EFCAB6: variants seen among roughly 807,000 people sequenced by gnomAD.
EFCAB6 encodes the protein EF-hand calcium-binding domain-containing protein 6.
In EFCAB6, 156 loss-of-function variants were observed where a neutral mutation model predicts 169.8. The observed-to-expected ratio is 0.92, with a 90% confidence interval of 0.81 to 1.05. The LOEUF (loss-of-function observed/expected upper bound fraction) is 1.05. Ranked by LOEUF, EFCAB6 falls within the 50% of genes least tolerant of loss-of-function variation. The probability of loss-of-function intolerance (pLI) is 0.00; values close to 1 mark genes in which losing one functional copy is unlikely to be tolerated. For synonymous variants in EFCAB6, 698 were observed against 676.4 expected (o/e 1.03, Z -0.50); for missense variants, 1,800 against 1,829.1 (o/e 0.98, Z 0.29).
intron 30 of EFCAB6, 129 bp downstream of exon 30, chr22:43,534,559 A>T: frequency 1.2e-6 from 1 of 841,378 alleles, no homozygotes; most frequent in Non-Finnish European, 1.7e-6. Context: ...TGGGAGTTTG[A>T]GGCTGCAGTG....
chr22:43,696,152 C>T (rs1254586677), intron 10 of EFCAB6, among the ~76,000 whole-genome samples: 1 of 151,872 alleles, frequency 6.6e-6, no homozygotes, highest in East Asian at 1.9e-4. Context: ...TGATTTGTAC[C>T]ATTACTTAAC....
Position 43,558,539 on chromosome 22 carries a change from A to G in EFCAB6, c.3421-3443T>C, listed in dbSNP as rs190600207. ...TTTTTCCAAAGTATGTGCTCATATC[A>G]TGTCTCCATGTCACAGAGAAATCGT... On this transcript the variant is annotated intron_variant, in intron 26 of 31. Transcript: ENST00000262726. 5.2e-3 allele frequency among the ~76,000 whole-genome samples: 791 copies of G among 152,276 alleles called. 4 individuals carry two copies. Among genetic ancestry groups the G allele is most frequent in the Middle Eastern group, 0.041 (12 of 294 alleles).
chr22:43,615,338 T>C (rs2053616202), intron 21 of EFCAB6, among the ~76,000 whole-genome samples: 1 of 152,174 alleles, frequency 6.6e-6, no homozygotes, highest in Admixed American at 6.5e-5. Context: ...ATAATCACAG[T>C]TCACAGGATT....
At chr22:43,559,868 G>T (rs1463989519) in intron 26 of EFCAB6, among the ~76,000 whole-genome samples, 2 of 151,762 alleles carry the variant, frequency 1.3e-5, no homozygotes, top group South Asian at 2.1e-4. Flanking sequence ...ATTGTTGGGT[G>T]GGGGGCAAGG....
chr22:43,593,817 G>A (rs1375537813), intron 23 of EFCAB6, among the ~76,000 whole-genome samples: 2 of 152,184 alleles, frequency 1.3e-5, no homozygotes, highest in Non-Finnish European at 2.9e-5. Context: ...ACAGGTAAGA[G>A]CAAGATGGAG....
intron 24 of EFCAB6, among the ~76,000 whole-genome samples, chr22:43,585,816 C>T (rs988748806): frequency 6.6e-6 from 1 of 152,164 alleles, no homozygotes; most frequent in Non-Finnish European, 1.5e-5. Flanking sequence ...GAATTATAAA[C>T]ATCAGGCTTC....
At position 43,774,374 on chromosome 22, in the gene EFCAB6, C is replaced by T. The variant is rs1029406397; in HGVS notation, c.140-1271G>A. Among the ~76,000 whole-genome samples, 8 of 151,190 alleles carry T rather than the reference C, an allele frequency of 5.3e-5. No homozygotes were observed. The South Asian group carries it at 1.3e-3, about 24-fold the overall frequency. ...ACAACGTGCAGGCACCCCACAGTGA[C>T]GCTGCCATGGAGATTGGCTGCAGAC... On this transcript the variant is annotated intron_variant, in intron 3 of 31. Transcript: ENST00000262726.
chr22:43,717,694 C>A (rs2059381562), intron 8 of EFCAB6, among the ~76,000 whole-genome samples: 2 of 152,070 alleles, frequency 1.3e-5, no homozygotes, highest in Non-Finnish European at 2.9e-5. Context: ...AGAACCAGTT[C>A]TGGCTTGTGT....
At chr22:43,650,496 T>G (rs2056414369) in intron 17 of EFCAB6, among the ~76,000 whole-genome samples, 1 of 152,208 alleles carries the variant, frequency 6.6e-6, no homozygotes, top group Non-Finnish European at 1.5e-5. Context: ...TGTAAATTGC[T>G]CAGTCTTGGG....
intron 24 of EFCAB6, 143 bp from the exon 25 acceptor site, chr22:43,580,802 C>G (rs1039719520): frequency 9.9e-6 from 8 of 811,432 alleles, no homozygotes; most frequent in African/African-American, 1.7e-5. Flanking sequence ...TACGTGCAGA[C>G]ATGGCAGTTA....
At chr22:43,616,808 T>A (rs1188031990) in intron 20 of EFCAB6, among the ~76,000 whole-genome samples, 1 of 152,180 alleles carries the variant, frequency 6.6e-6, no homozygotes, top group East Asian at 1.9e-4. Flanking sequence ...ATGCCCTAGA[T>A]CTTTCCACGC....
chr22:43,620,333 G>T (rs551101141), intron 20 of EFCAB6, among the ~76,000 whole-genome samples: 87 of 151,164 alleles, frequency 5.8e-4, no homozygotes, highest in African/African-American at 2.1e-3. Context: ...AAAGAAAAAA[G>T]AAAAGAAAAG....
At chr22:43,684,400 A>G (rs2058112369) in intron 11 of EFCAB6, among the ~76,000 whole-genome samples, 1 of 151,978 alleles carries the variant, frequency 6.6e-6, no homozygotes, top group South Asian at 2.1e-4. Flanking sequence ...GTCAGTGTAC[A>G]TGTGTGCTCC....
intron 11 of EFCAB6, among the ~76,000 whole-genome samples, chr22:43,685,633 C>G (rs145676971): frequency 9.2e-5 from 14 of 152,184 alleles, no homozygotes; most frequent in African/African-American, 3.4e-4. Context: ...GGCAACTGTA[C>G]AGGCAGTGGT....
Position 43,678,225 on chromosome 22 carries a change from T to TTATGTA in EFCAB6, c.1252-68_1252-63dup, listed in dbSNP as rs929230400. 1.2e-4 allele frequency: 180 copies of TTATGTA among 1,496,802 alleles called. No homozygotes were observed. The Middle Eastern group carries it at 1.2e-3, about 10-fold the overall frequency. 92.7% of individuals were successfully genotyped at this position (1,496,802 alleles called of 1,614,324 possible). On this transcript the variant is annotated intron_variant, in intron 12 of 31. Transcript: ENST00000262726. ...AAAAAAAAAAAAGGAAGAAAAAGTG[T>TTATGTA]TATGTATGTTTAGCATCATTTAATA...
intron 20 of EFCAB6, among the ~76,000 whole-genome samples, chr22:43,616,593 G>T (rs1389312950): frequency 9.0e-6 from 1 of 110,694 alleles, no homozygotes; most frequent in African/African-American, 3.6e-5. Context: ...GAACCTGGGA[G>T]GCGGAGGTTG....
chr22:43,539,875 C>T (rs1297584460), intron 28 of EFCAB6, among the ~76,000 whole-genome samples: 2 of 152,240 alleles, frequency 1.3e-5, no homozygotes, highest in Admixed American at 1.3e-4. Flanking sequence ...GCTCCCTTTC[C>T]CACCTTGCAC....
rs578087932 is a variant in EFCAB6 at position 43,537,961 on chromosome 22, T to A, written c.3880-416A>T. Among the ~76,000 whole-genome samples the A allele has an allele frequency of 7.9e-5, 12 of 152,356 alleles. No homozygotes were observed. The East Asian group carries it at 1.9e-3, about 24-fold the overall frequency. On this transcript the variant is annotated intron_variant, in intron 28 of 31. Transcript: ENST00000262726. This position sits in a 1 kb window ranked among gnomAD's most constrained non-coding sequence, Gnocchi z 4.3. Reference sequence around the variant, plus strand: ...GTAAACATTCACAGAATATCTGTTATTTAGACATTATGTGGATCAAGTACG... The same window carrying A: ...GTAAACATTCACAGAATATCTGTTAATTAGACATTATGTGGATCAAGTACG...
At chr22:43,596,056 A>C (rs1406031710) in intron 23 of EFCAB6, among the ~76,000 whole-genome samples, 1 of 152,162 alleles carries the variant, frequency 6.6e-6, no homozygotes, top group East Asian at 1.9e-4. Flanking sequence ...TCCTTTCTTG[A>C]TAAAAACTCT....
Sources: allele counts gnomAD v4.1 joint callset (sites outside exome capture counted in the v4.1 genomes callset), GRCh38; gene constraint gnomAD v4.1.1; non-coding constraint Gnocchi (gnomAD v3.1); transcripts MANE v1.5; gene names NCBI Gene and HGNC (gene_info 2026-07-23, HGNC 2026-07-21).